The following RNF212B variants were observed in gnomAD, a reference collection of about 807,000 sequenced individuals.
RNF212B encodes ring finger protein 212B.
RNF212B carries 52 observed loss-of-function variants against 55.5 expected under a neutral mutation model. The ratio of observed to expected loss-of-function variants is 0.94; its 90% confidence interval spans 0.75 to 1.18. RNF212B has a LOEUF of 1.18. Ranked by LOEUF, RNF212B falls within the 50% of genes most tolerant of loss-of-function variation. The pLI is 0.00. For synonymous variants in RNF212B, 99 were observed against 121.4 expected (o/e 0.82, Z 1.21); for missense variants, 289 against 350.4 (o/e 0.82, Z 1.40).
chr14:23,263,541 C>T (rs1885457893), intron 9 of RNF212B, among the ~76,000 whole-genome samples: 1 of 152,060 alleles, frequency 6.6e-6, no homozygotes. Flanking sequence ...TAAGTTTATG[C>T]TGAAAGATGG....
intron 4 of RNF212B, among the ~76,000 whole-genome samples, chr14:23,247,053 T>C (rs765467464): frequency 1.3e-5 from 2 of 151,370 alleles, no homozygotes; most frequent in Non-Finnish European, 2.9e-5. Context: ...GGCAGGAGAA[T>C]CACTTGAACC....
chr14:23,220,848 C>G (rs1389232586), intron 2 of RNF212B, among the ~76,000 whole-genome samples: 2 of 151,320 alleles, frequency 1.3e-5, no homozygotes, highest in Non-Finnish European at 2.9e-5. Flanking sequence ...AAACAAAAAA[C>G]AAATACACAA....
exon 1 of RNF212B, chr14:23,185,432 A>G (rs1482725041): frequency 6.6e-6 from 1 of 152,222 alleles, no homozygotes; most frequent in East Asian, 1.9e-4. Context: ...AGATTTGAAG[A>G]CTTCTGCTCC....
intron 2 of RNF212B, among the ~76,000 whole-genome samples, chr14:23,208,269 T>G (rs1880048260): frequency 6.6e-6 from 1 of 152,156 alleles, no homozygotes; most frequent in African/African-American, 2.4e-5. Context: ...CACTTGTAAT[T>G]CCAGCACATT....
chr14:23,270,533 C>A, intron 13 of RNF212B, 67 bp from the exon 14 acceptor site: 1 of 1,123,630 alleles, frequency 8.9e-7, no homozygotes, highest in Non-Finnish European at 1.3e-6. Context: ...TTACCCTGAC[C>A]CACAAGTAAC....
intron 2 of RNF212B, among the ~76,000 whole-genome samples, chr14:23,208,164 T>C (rs964265269): frequency 2.6e-5 from 4 of 152,084 alleles, no homozygotes; most frequent in Admixed American, 2.0e-4. Flanking sequence ...CCTGGGCTCC[T>C]TGGAGAAATG....
intron 2 of RNF212B, among the ~76,000 whole-genome samples, chr14:23,203,878 C>T (rs1209894809): frequency 6.6e-6 from 1 of 152,200 alleles, no homozygotes; most frequent in African/African-American, 2.4e-5. Context: ...ATCACCGTAT[C>T]CATGCCAACA....
At chr14:23,243,147 C>CT in intron 2 of RNF212B, 109 bp from the exon 3 acceptor site, 3 of 744,266 alleles carry the variant, frequency 4.0e-6, no homozygotes, top group South Asian at 1.7e-5. Flanking sequence ...GTTAAGAACC[C>CT]TTTTTTTCTT....
Position 23,269,957 on chromosome 14 carries a change from T to C in RNF212B, c.769T>C (p.Phe257Leu). 1 of 1,515,796 alleles carries C rather than the reference T, an allele frequency of 6.6e-7. No homozygotes were observed. The highest frequency in any genetic ancestry group is 1.4e-5 in the African/African-American group (1 of 72,340). 93.9% of individuals were successfully genotyped at this position (1,515,796 alleles called of 1,614,324 possible). A position where few individuals can be genotyped will look rare whatever the true frequency, so the allele number is the denominator to read the frequency against. ...GHTRVLTPNNFAQRESTTTLE... is the reference protein window; with the variant it reads ...GHTRVLTPNNLAQRESTTTLE... ...CACAAGAGTCCTCACCCCCAACAAT[T>C]TTGGTAAGTTAAATAACATTTCCAA... Residue 257 changes from phenylalanine (F) to leucine (L), a missense_variant, in exon 13 of 15, where the codon TTT becomes CTT. By Grantham distance (22) the Phe-to-Leu change is conservative. Transcript: ENST00000430154.
At chr14:23,213,689 C>A (rs2331943) in intron 2 of RNF212B, among the ~76,000 whole-genome samples, 1 of 151,812 alleles carries the variant, frequency 6.6e-6, no homozygotes, top group African/African-American at 2.4e-5. Flanking sequence ...ACTGTGTGCT[C>A]TACCTAAACA....
At chr14:23,242,003 A>G (rs1350142815) in intron 2 of RNF212B, among the ~76,000 whole-genome samples, 1 of 142,514 alleles carries the variant, frequency 7.0e-6, no homozygotes, top group Non-Finnish European at 1.5e-5. Context: ...AATGGTGTGA[A>G]CCCCGGAGGC....
chr14:23,253,489 G>A (rs1221265975), intron 4 of RNF212B, among the ~76,000 whole-genome samples: 1 of 152,002 alleles, frequency 6.6e-6, no homozygotes, highest in Non-Finnish European at 1.5e-5. Flanking sequence ...CTTGTAAATT[G>A]TTAGGTAAGT....
chr14:23,192,452 C>T (rs1442018177), intron 1 of RNF212B, among the ~76,000 whole-genome samples: 1 of 149,358 alleles, frequency 6.7e-6, no homozygotes, highest in East Asian at 2.0e-4. Context: ...AACCAAACAC[C>T]GCATGTTCTC....
intron 5 of RNF212B, among the ~76,000 whole-genome samples, chr14:23,259,198 A>G (rs1158664935): frequency 9.9e-5 from 12 of 121,372 alleles, no homozygotes; most frequent in African/African-American, 6.2e-5. Flanking sequence ...CTCAAAAACA[A>G]AAACAAAAAA....
chr14:23,203,386 T>C (rs1309190133), intron 2 of RNF212B, among the ~76,000 whole-genome samples: 2 of 152,032 alleles, frequency 1.3e-5, no homozygotes, highest in Non-Finnish European at 2.9e-5. Context: ...AACATGTGCG[T>C]GCAAATATCT....
At chr14:23,231,576 A>G (rs1469688052) in intron 2 of RNF212B, among the ~76,000 whole-genome samples, 1 of 152,170 alleles carries the variant, frequency 6.6e-6, no homozygotes, top group Non-Finnish European at 1.5e-5. Context: ...TTTTCCTTTC[A>G]GAGTAGAAGA....
At chr14:23,226,052 C>G (rs1465593726) in intron 2 of RNF212B, among the ~76,000 whole-genome samples, 1 of 151,710 alleles carries the variant, frequency 6.6e-6, no homozygotes, top group Non-Finnish European at 1.5e-5. Context: ...GTAATCTCAG[C>G]ACTTTGGGAG....
chr14:23,236,446 C>T (rs949627171), upstream of RNF212B, among the ~76,000 whole-genome samples: 2 of 151,978 alleles, frequency 1.3e-5, no homozygotes, highest in African/African-American at 2.4e-5. Flanking sequence ...ACCCAGGAGG[C>T]GGAGGTTGCA....
At chr14:23,250,075 G>C (rs1263565906) in intron 4 of RNF212B, among the ~76,000 whole-genome samples, 2 of 152,138 alleles carry the variant, frequency 1.3e-5, no homozygotes, top group African/African-American at 4.8e-5. Flanking sequence ...AAGTTATTAC[G>C]TAAGGTTATT....
Sources: gnomAD v4.1 joint callset for allele counts (sites outside exome capture counted in the v4.1 genomes callset) on GRCh38, gnomAD v4.1.1 for gene constraint, MANE v1.5 for transcripts, NCBI Gene and HGNC (gene_info 2026-07-23, HGNC 2026-07-21) for gene names.